Variants in CELA3B observed in about 807,000 individuals in gnomAD.
CELA3B encodes the protein chymotrypsin like elastase 3B.
CELA3B carries 34 observed loss-of-function variants against 37.2 expected under a neutral mutation model. The ratio of observed to expected loss-of-function variants is 0.91; its 90% CI spans 0.70 to 1.22. The LOEUF (loss-of-function observed/expected upper bound fraction) is 1.22, where lower values mean the gene tolerates loss of function less well. Among genes scored for constraint, CELA3B ranks in the 50% most tolerant of loss-of-function variants. The pLI, the probability that CELA3B is intolerant of heterozygous loss-of-function variation, is 0.00. For missense variants in CELA3B, 340 were observed against 363.1 expected, an observed-to-expected ratio of 0.94 and a Z score of 0.52; for synonymous variants, 127 against 143.5, an observed-to-expected ratio of 0.89 and a Z score of 0.82.
intron 4 of CELA3B, among the ~76,000 whole-genome samples, chr1:21,996,708 G>A (rs1401693563): frequency 2.0e-5 from 3 of 150,944 alleles, no homozygotes; most frequent in African/African-American, 7.4e-5. Flanking sequence ...GGGAAGGTAT[G>A]GCACTGGCCG....
At chr1:21,992,622 C>T (rs1241574809), downstream of CELA3B, among the ~76,000 whole-genome samples, 2 of 151,506 alleles carry the variant, frequency 1.3e-5, no homozygotes, top group Admixed American at 1.3e-4. Flanking sequence ...GGATGAGCTG[C>T]AGTTGTTTTA....
At chr1:21,981,229 C>T in intron 4 of CELA3B, 57 bp downstream of exon 4, 2 of 1,575,002 alleles carry the variant, frequency 1.3e-6, no homozygotes, top group Non-Finnish European at 1.7e-6. Flanking sequence ...CCTCCATGAC[C>T]CACAGCCAAG....
Position 21,986,513 on chromosome 1 carries a change from C to T in CELA3B, c.643-18C>T. 6.2e-7 allele frequency: 1 copy of T among 1,612,928 alleles called. No individual in the cohort carries two copies. The highest frequency in any genetic ancestry group is 8.5e-7 in the Non-Finnish European group (1 of 1,179,790). ...CTCAGACATGGCTCAGCCACCCACA[C>T]CTCTCTGACGGTTCCAGGGTGACTC... On this transcript the variant is annotated intron_variant, in intron 6 of 7. Coordinates refer to ENST00000337107, the MANE Select transcript of CELA3B (RefSeq NM_007352.4).
chr1:21,985,269 C>T (rs891528827), intron 6 of CELA3B, among the ~76,000 whole-genome samples: 1 of 129,916 alleles, frequency 7.7e-6, no homozygotes, highest in African/African-American at 2.8e-5. Context: ...GGCGACAGAG[C>T]AAGATGTTGT....
chr1:21,993,548 T>A (rs927506111), downstream of CELA3B, among the ~76,000 whole-genome samples: 2 of 151,308 alleles, frequency 1.3e-5, no homozygotes, highest in Non-Finnish European at 2.9e-5. Flanking sequence ...TGAATTTCTT[T>A]AAAAAAAATT....
Position 21,986,496 on chromosome 1 carries a change from T to C in CELA3B, c.643-35T>C, listed in dbSNP as rs1368113465. ...GAACCAGTTCCATAAACCTCAGACA[T>C]GGCTCAGCCACCCACACCTCTCTGA... On this transcript the variant is annotated intron_variant, in intron 6 of 7. Transcript: ENST00000337107. 3 of 1,608,984 alleles carry C rather than the reference T, an allele frequency of 1.9e-6. No homozygotes were observed. The African/African-American group carries it at 4.0e-5, about 22-fold the overall frequency.
At chr1:21,981,968 G>A (rs1466552943) in intron 4 of CELA3B, among the ~76,000 whole-genome samples, 4 of 152,038 alleles carry the variant, frequency 2.6e-5, no homozygotes, top group South Asian at 2.1e-4. Flanking sequence ...CTCGTGATCT[G>A]CCCGCCTCGG....
intron 4 of CELA3B, among the ~76,000 whole-genome samples, chr1:21,996,186 C>T (rs1484148685): frequency 6.6e-6 from 1 of 151,208 alleles, no homozygotes; most frequent in Non-Finnish European, 1.5e-5. Flanking sequence ...GTACTCCAGC[C>T]TGAGCGACAG....
In CELA3B at chr1:21,986,582, G is replaced by A. The variant is rs142871632; in HGVS notation, c.694G>A (p.Val232Ile). The A allele has an allele frequency of 6.2e-6, 10 of 1,614,110 alleles. No individual in the cohort carries two copies. The South Asian group carries it at 1.1e-4, about 18-fold the overall frequency. ...NCPTEDGGWQ[V>I]HGVTSFVSAF... ...CCCCACAGAGGATGGTGGCTGGCAGGTCCATGGCGTGACCAGCTTTGTTTC... is the reference window on the plus strand; with the variant it reads ...CCCCACAGAGGATGGTGGCTGGCAGATCCATGGCGTGACCAGCTTTGTTTC... The change falls in exon 7 of 8, where the codon GTC becomes ATC. Residue 232 changes from valine to isoleucine, a missense_variant. By Grantham distance (29) the Val-to-Ile change is conservative. Transcript: ENST00000337107.
chr1:21,981,597 C>T (rs1644804524), intron 4 of CELA3B, among the ~76,000 whole-genome samples: 1 of 151,958 alleles, frequency 6.6e-6, no homozygotes, highest in Non-Finnish European at 1.5e-5. Flanking sequence ...TGTGTATGGC[C>T]TGAGCAAGTC....
At chr1:21,984,714 A>G (rs1277657617) in intron 6 of CELA3B, among the ~76,000 whole-genome samples, 3 of 152,180 alleles carry the variant, frequency 2.0e-5, no homozygotes, top group Admixed American at 6.6e-5. Flanking sequence ...TGGGAGGCCA[A>G]GGCGTGTGGA....
At chr1:21,990,946 T>C (rs1644866609), downstream of CELA3B, among the ~76,000 whole-genome samples, 2 of 67,920 alleles carry the variant, frequency 2.9e-5, no homozygotes, top group African/African-American at 9.4e-5. Context: ...ATATTTCTCT[T>C]TGAACACCAT....
chr1:21,988,161 G>A (rs556873114), intron 7 of CELA3B, among the ~76,000 whole-genome samples: 916 of 150,308 alleles, frequency 6.1e-3, no homozygotes, highest in African/African-American at 0.022. Flanking sequence ...GCAGTGCGCC[G>A]AGATTACGCC....
chr1:21,984,845 G>T (rs1195205547), intron 6 of CELA3B, among the ~76,000 whole-genome samples: 1 of 151,954 alleles, frequency 6.6e-6, no homozygotes, highest in Non-Finnish European at 1.5e-5. Flanking sequence ...TATTTGGGAG[G>T]CTGAGACAGG....
chr1:21,998,510 C>A (rs868628051), exon 5 of CELA3B: 19 of 207,112 alleles, frequency 9.2e-5, no homozygotes, highest in South Asian at 6.0e-4. Context: ...AGAGGGGACA[C>A]CCTCCAGGTG....
chr1:21,984,151 C>T, intron 5 of CELA3B, 38 bp from the exon 6 acceptor site: 1 of 1,596,886 alleles, frequency 6.3e-7, no homozygotes, highest in Non-Finnish European at 8.5e-7. Context: ...TAGCCCTGTG[C>T]CCCCAGACCC....
At chr1:21,977,119 C>G (rs763797670) in intron 1 of CELA3B, 37 bp downstream of exon 1, 1 of 1,613,820 alleles carries the variant, frequency 6.2e-7, no homozygotes, top group Non-Finnish European at 8.5e-7. Context: ...CCCTGGGCTG[C>G]CCTAGATTAG....
At chr1:21,984,433 C>T in intron 6 of CELA3B, 102 bp downstream of exon 6, 2 of 1,489,014 alleles carry the variant, frequency 1.3e-6, no homozygotes, top group South Asian at 2.6e-5. Flanking sequence ...CTGCTTGCCC[C>T]ATTCAGCCTC....
chr1:21,981,079 G>A lies in CELA3B; in HGVS notation c.269G>A (p.Arg90His), dbSNP rs149443835. 1.1e-5 allele frequency: 17 copies of A among 1,613,928 alleles called. No homozygotes were observed. Among genetic ancestry groups the A allele is most frequent in the African/African-American group, 9.3e-5 (7 of 75,036 alleles). ...TYQVVLGEYDRAVKEGPEQVI... is the reference protein window; with the variant it reads ...TYQVVLGEYDHAVKEGPEQVI... ...CAGGTGGTGTTGGGCGAGTACGACCGTGCTGTGAAGGAGGGCCCCGAGCAG... is the reference window on the plus strand; with the variant it reads ...CAGGTGGTGTTGGGCGAGTACGACCATGCTGTGAAGGAGGGCCCCGAGCAG... Residue 90 changes from arginine (R) to histidine (H), a missense_variant, in exon 4 of 8, where the codon CGT becomes CAT. Transcript: ENST00000337107.
Sources: gnomAD v4.1 joint callset for allele counts (sites outside exome capture counted in the v4.1 genomes callset) on GRCh38, gnomAD v4.1.1 for gene constraint, MANE v1.5 for transcripts, NCBI Gene and HGNC (gene_info 2026-07-23, HGNC 2026-07-21) for gene names.